Variants in FAXDC2 observed in about 807,000 individuals in gnomAD.
FAXDC2 encodes the protein fatty acid hydroxylase domain-containing protein 2.
FAXDC2 carries 41 observed loss-of-function variants against 40.9 expected under a neutral mutation model. That is an observed-to-expected ratio of 1.00 (90% CI 0.78 to 1.30). The LOEUF (loss-of-function observed/expected upper bound fraction) is 1.30. Ranked by LOEUF, FAXDC2 falls within the 50% of genes most tolerant of loss-of-function variation. The probability of loss-of-function intolerance (pLI) is 0.00; values close to 1 mark genes in which losing one functional copy is unlikely to be tolerated. For synonymous variants in FAXDC2, 157 were observed against 149.3 expected (o/e 1.05, Z -0.38); for missense variants, 390 against 408.8 (o/e 0.95, Z 0.40).
intron 7 of FAXDC2, 196 bp downstream of exon 7, chr5:154,822,276 T>C (rs963074201): frequency 2.0e-5 from 11 of 561,778 alleles, no homozygotes; most frequent in Non-Finnish European, 3.2e-5. Context: ...AAAAAGAAAG[T>C]TGTTGGGATG....
In FAXDC2 at chr5:154,823,520, C is replaced by T. The variant is rs190927180; in HGVS notation, c.439G>A (p.Val147Met). The stretch of plus-strand genomic sequence containing the variant: ...TTGAGGAAGGGATAGAGGAAGACCA[C>T]CATGGGGAAAGATATCATGCACTGG... ...FNQCMISFPM[V>M]VFLYPFLKWW... is the part of the protein sequence containing the mutation. Residue 147 changes from valine to methionine, a missense_variant, in exon 6 of 9, where the codon GTG (valine) becomes ATG (methionine). Val to Met is a conservative substitution (Grantham distance 21, BLOSUM62 1). Transcript: ENST00000326080. The T allele has an allele frequency of 6.5e-5, 105 of 1,614,146 alleles. No individual in the cohort carries two copies. The African/African-American group carries it at 1.3e-3, about 20-fold the overall frequency.
chr5:154,848,666 A>C (rs1055111790), intron 1 of FAXDC2, among the ~76,000 whole-genome samples: 28 of 152,186 alleles, frequency 1.8e-4, no homozygotes, highest in African/African-American at 6.5e-4. Context: ...GCCGATATTC[A>C]TTTAAGAAGA....
At chr5:154,846,069 T>C (rs563001910) in intron 1 of FAXDC2, among the ~76,000 whole-genome samples, 58 of 152,136 alleles carry the variant, frequency 3.8e-4, no homozygotes, top group African/African-American at 1.3e-3. Context: ...CCCAAAGTGC[T>C]GGGATTACAA....
chr5:154,820,087 T>C lies in FAXDC2; in HGVS notation c.*229A>G. On this transcript the variant is annotated 3_prime_UTR_variant, in exon 9 of 9. Transcript: ENST00000326080. ...AGCCTCCAGTCTGGGGAGCTGTGTT[T>C]TCCTTTTTCTTAAGCTAACTCCTGA... 1 of 454,476 alleles carries C rather than the reference T, an allele frequency of 2.2e-6. No homozygotes were observed. 28.2% of individuals were successfully genotyped at this position (454,476 alleles called of 1,614,324 possible). A position where few individuals can be genotyped will look rare whatever the true frequency, so the allele number is the denominator to read the frequency against.
At chr5:154,842,523 T>A (rs1311263432) in intron 1 of FAXDC2, among the ~76,000 whole-genome samples, 1 of 123,110 alleles carries the variant, frequency 8.1e-6, no homozygotes, top group African/African-American at 3.1e-5. Context: ...TTTTTTTTTT[T>A]TTTTTTTTTT....
In FAXDC2 at chr5:154,828,757, C is replaced by T. The variant is rs528801194; in HGVS notation, c.366+2044G>A. Among the ~76,000 whole-genome samples, 235 of 151,356 alleles carry T rather than the reference C, an allele frequency of 1.6e-3. 1 individual carries two copies. The highest frequency in any genetic ancestry group is 2.5e-3 in the Non-Finnish European group (169 of 67,858). On this transcript the variant is annotated intron_variant, in intron 5 of 8. Transcript: ENST00000326080. ...GACTACAGACACACGCCACTGTGCC[C>T]GGCTAATTAAAATAATTTTTTTTGT...
intron 7 of FAXDC2, chr5:154,822,031 A>G (rs1759903440): frequency 6.3e-6 from 1 of 159,868 alleles, no homozygotes; most frequent in Non-Finnish European, 1.4e-5. Context: ...GGGAGATTGC[A>G]GTGAGCCGAG....
intron 4 of FAXDC2, among the ~76,000 whole-genome samples, chr5:154,833,374 C>G (rs1284602032): frequency 1.3e-5 from 2 of 148,306 alleles, no homozygotes; most frequent in Admixed American, 1.4e-4. Flanking sequence ...GAGACAGAGT[C>G]GTGCCCTATT....
chr5:154,834,900 G>T lies in FAXDC2; in HGVS notation c.83C>A (p.Ala28Asp). 6.2e-7 allele frequency: 1 copy of T among 1,608,298 alleles called. No individual in the cohort carries two copies. The highest frequency in any genetic ancestry group is 1.7e-5 in the Admixed American group (1 of 59,186). Residue 28 changes from alanine (A) to aspartate (D), a missense_variant, in exon 3 of 9, where the codon GCT becomes GAT. Transcript: ENST00000326080. ...GHIWGSMRRT[A>D]FILGSGLLSF... The stretch of plus-strand genomic sequence containing the variant: ...GAGAAGTCCAGAGCCCAGGATGAAA[G>T]CTGTCCTCCTCATAGAGCCCCAGAT...
intron 2 of FAXDC2, chr5:154,835,163 G>A (rs1010914233): frequency 2.1e-6 from 1 of 485,758 alleles, no homozygotes; most frequent in African/African-American, 1.9e-5. Context: ...CAAGTTGGGG[G>A]AGGGAAGGGA....
intron 1 of FAXDC2, among the ~76,000 whole-genome samples, chr5:154,846,079 A>AGT (rs1760592963): frequency 1.3e-5 from 2 of 151,652 alleles, no homozygotes; most frequent in African/African-American, 4.8e-5. Flanking sequence ...TGGGATTACA[A>AGT]GCGTGAGCCA....
At chr5:154,823,254 T>C in intron 6 of FAXDC2, 133 bp downstream of exon 6, 1 of 745,680 alleles carries the variant, frequency 1.3e-6, no homozygotes, top group Non-Finnish European at 2.2e-6. Context: ...GCTCAAGTGA[T>C]CCGCCCACCT....
intron 1 of FAXDC2, among the ~76,000 whole-genome samples, chr5:154,844,382 CAAAAA>C (rs1227960252): frequency 2.2e-5 from 2 of 90,148 alleles, no homozygotes; most frequent in Admixed American, 1.2e-4. Context: ...ACCCTGCCTC[CAAAAA>C]AAAAAAAAAA....
intron 1 of FAXDC2, among the ~76,000 whole-genome samples, chr5:154,849,456 C>G (rs1760681631): frequency 6.6e-6 from 1 of 151,958 alleles, no homozygotes; most frequent in Non-Finnish European, 1.5e-5. Flanking sequence ...ATCTGCCTGT[C>G]TTGTTTACCA....
chr5:154,842,398 G>A (rs1760495651), intron 1 of FAXDC2, among the ~76,000 whole-genome samples: 1 of 145,354 alleles, frequency 6.9e-6, no homozygotes, highest in Non-Finnish European at 1.5e-5. Context: ...TAGAGATGGG[G>A]TTTCACCATA....
Position 154,834,631 on chromosome 5 carries a change from A to G in FAXDC2, c.238T>C (p.Phe80Leu), listed in dbSNP as rs1760272615. The G allele has an allele frequency of 6.2e-7, 1 of 1,611,876 alleles. No homozygotes were observed. Among genetic ancestry groups the G allele is most frequent in the African/African-American group, 1.3e-5 (1 of 74,874 alleles). Residue 80 changes from phenylalanine to leucine, a missense_variant, in exon 4 of 9, where the codon TTT becomes CTT. By Grantham distance (22) the Phe-to-Leu change is conservative (BLOSUM62 0). Coordinates refer to ENST00000326080, the MANE Select transcript of FAXDC2 (RefSeq NM_032385.5). ...TFEGKEWILF[F>L]IGAIQVPCLF... The stretch of plus-strand genomic sequence containing the variant: ...GGTGGTCTGGGAACCTCACCTATAA[A>G]GAAGAGGATCCACTCCTTCCCTTCA...
chr5:154,821,346 C>A lies in FAXDC2; in HGVS notation c.759G>T (p.Leu253Phe), dbSNP rs199687051. Residue 253 changes from leucine (L) to phenylalanine (F), a missense_variant, in exon 8 of 9, where the codon TTG becomes TTT. By Grantham distance (22) the Leu-to-Phe change is conservative. Coordinates refer to ENST00000326080, the MANE Select transcript of FAXDC2 (RefSeq NM_032385.5). ...GGGAGATGGTGGTGATGATGAGGGC[C>A]AAGGAAAACCACATGGTGATGGAGG... The part of the protein sequence containing the change: ...HLSSITMWFS[L>F]ALIITTISHC... 1.6e-4 allele frequency: 250 copies of A among 1,610,592 alleles called. No individual in the cohort carries two copies. The African/African-American group carries it at 3.1e-3, about 20-fold the overall frequency.
At chr5:154,837,220 T>A (rs1014149851) in intron 2 of FAXDC2, among the ~76,000 whole-genome samples, 5 of 152,060 alleles carry the variant, frequency 3.3e-5, no homozygotes, top group African/African-American at 4.8e-5. Flanking sequence ...GCACACACTC[T>A]CTCTCTCTCT....
At chr5:154,829,498 G>C (rs1760137449) in intron 5 of FAXDC2, 1 of 154,300 alleles carries the variant, frequency 6.5e-6, no homozygotes, top group African/African-American at 2.4e-5. Flanking sequence ...ATGAGCCCTG[G>C]CTCTGTTTCC....
Sources: gnomAD v4.1 joint callset for allele counts (sites outside exome capture counted in the v4.1 genomes callset) on GRCh38, gnomAD v4.1.1 for gene constraint, MANE v1.5 for transcripts, NCBI Gene and HGNC (gene_info 2026-07-23, HGNC 2026-07-21) for gene names.